ISM1: variants seen among roughly 807,000 people sequenced by gnomAD.
ISM1 encodes isthmin-1.
In ISM1, 25 loss-of-function variants were observed where a neutral mutation model predicts 46.3. That is an observed-to-expected ratio of 0.54 (90% CI 0.39 to 0.75). ISM1 has a LOEUF of 0.75. Among genes scored for constraint, ISM1 ranks in the 30% least tolerant of loss-of-function variants. ISM1 has a pLI of 0.00. For synonymous variants in ISM1, 255 were observed against 256.7 expected (o/e 0.99, Z 0.06); for missense variants, 536 against 625.4 (o/e 0.86, Z 1.52).
intron 1 of ISM1, among the ~76,000 whole-genome samples, chr20:13,227,755 G>A (rs556832166): frequency 1.9e-4 from 29 of 151,640 alleles, no homozygotes; most frequent in Admixed American, 4.6e-4. Flanking sequence ...TGATCCTCTC[G>A]CCTCTGCCTC....
the ISM1 span, among the ~76,000 whole-genome samples, chr20:13,312,556 C>G: frequency 6.6e-6 from 1 of 152,210 alleles, no homozygotes; most frequent in African/African-American, 2.4e-5. Flanking sequence ...GGACAGGAGG[C>G]CTCAAACAAG....
the ISM1 span, among the ~76,000 whole-genome samples, chr20:13,326,379 T>C: frequency 6.6e-6 from 1 of 152,194 alleles, no homozygotes; most frequent in African/African-American, 2.4e-5. Flanking sequence ...ATATATTCGA[T>C]TTAAGTATAT....
At chr20:13,224,026 A>G (rs1303029206) in intron 1 of ISM1, among the ~76,000 whole-genome samples, 1 of 152,112 alleles carries the variant, frequency 6.6e-6, no homozygotes, top group African/African-American at 2.4e-5. Context: ...TGAATTCTCA[A>G]AAGGGGCTTT....
intron 1 of ISM1, among the ~76,000 whole-genome samples, chr20:13,232,858 T>C (rs1283966715): frequency 6.6e-6 from 1 of 152,204 alleles, no homozygotes; most frequent in Non-Finnish European, 1.5e-5. Flanking sequence ...TATGAAATAC[T>C]GAAAGAAGGA....
chr20:13,301,334 A>T (rs1473854904), downstream of ISM1, among the ~76,000 whole-genome samples: 1 of 152,084 alleles, frequency 6.6e-6, no homozygotes, highest in Non-Finnish European at 1.5e-5. Context: ...GATTACAGGC[A>T]TGTGCCACCA....
At chr20:13,224,562 TAATC>T (rs1485192410) in intron 1 of ISM1, among the ~76,000 whole-genome samples, 4 of 152,222 alleles carry the variant, frequency 2.6e-5, no homozygotes, top group Non-Finnish European at 5.9e-5. Context: ...ATCAGAAAAT[TAATC>T]AATCCATATA....
rs1010723923 is a variant in ISM1 at position 13,221,354 on chromosome 20, G to T, written c.-423G>T. ...GCGGCCACATCTGGGGCGCCCATGT[G>T]CGCTCGGGGGCTCGGCTGCGCCCGC... On this transcript the variant is annotated 5_prime_UTR_variant, in exon 1 of 6. Transcript: ENST00000262487. Among the ~76,000 whole-genome samples the T allele has an allele frequency of 6.8e-6, 1 of 147,802 alleles. No individual in the cohort carries two copies. The highest frequency in any genetic ancestry group is 1.5e-5 in the Non-Finnish European group (1 of 66,036).
intron 3 of ISM1, among the ~76,000 whole-genome samples, chr20:13,287,207 A>G (rs148355512): frequency 3.3e-5 from 5 of 152,354 alleles, no homozygotes; most frequent in Admixed American, 3.3e-4. Context: ...TCACAGTTCC[A>G]CATGGCTGGG....
At chr20:13,266,707 A>G (rs574572938) in intron 1 of ISM1, among the ~76,000 whole-genome samples, 2 of 152,246 alleles carry the variant, frequency 1.3e-5, no homozygotes, top group African/African-American at 4.8e-5. Context: ...AAGAATGGTC[A>G]TGATGCTTTC....
chr20:13,279,792 G>C lies in ISM1; in HGVS notation c.537G>C (p.Lys179Asn). The change falls in exon 3 of 6, where the codon AAG becomes AAC. Residue 179 changes from lysine (K) to asparagine (N), a missense_variant. Around this residue, in one of 2 missense-constraint regions of ISM1, gnomAD observed 367 missense variants for 376.1 expected, o/e 0.98. Coordinates refer to ENST00000262487, the MANE Select transcript of ISM1 (RefSeq NM_080826.2). ...CAAACAGCGGGGACCAGGACTACAA[G>C]TACGACAGTACCTCAGACGACAGCA... ...ARANSGDQDY[K>N]YDSTSDDSNF... 6.2e-7 allele frequency: 1 copy of C among 1,614,056 alleles called. No homozygotes were observed. Among genetic ancestry groups the C allele is most frequent in the Non-Finnish European group, 8.5e-7 (1 of 1,179,906 alleles).
At chr20:13,309,388 A>T in the ISM1 span, among the ~76,000 whole-genome samples, 1 of 152,182 alleles carries the variant, frequency 6.6e-6, no homozygotes, top group Non-Finnish European at 1.5e-5. Context: ...CATAATAAAA[A>T]CTCTCAATGA....
At chr20:13,320,934 C>T in the ISM1 span, among the ~76,000 whole-genome samples, 17,030 of 152,078 alleles carry the variant, frequency 0.11, 1,367 homozygotes, top group Non-Finnish European at 0.17. Context: ...CACAGTGGCT[C>T]ATACCTGTAA....
At chr20:13,301,443 C>G (rs896734091), downstream of ISM1, among the ~76,000 whole-genome samples, 3 of 152,152 alleles carry the variant, frequency 2.0e-5, no homozygotes, top group African/African-American at 7.2e-5. Context: ...CCTGCCTTGG[C>G]CTCCCAAAGC....
At chr20:13,307,725 A>G in the ISM1 span, among the ~76,000 whole-genome samples, 3 of 152,234 alleles carry the variant, frequency 2.0e-5, no homozygotes, top group Admixed American at 6.5e-5. Context: ...TTTGCTCAAT[A>G]TTGGATTGTG....
chr20:13,221,814 GGCT>G lies in ISM1; in HGVS notation c.48_50del (p.Leu17del), dbSNP rs1347870307. On this transcript the variant is annotated inframe_deletion, in exon 1 of 6. Coordinates refer to ENST00000262487, the MANE Select transcript of ISM1 (RefSeq NM_080826.2). ...GCGGCCGAGCTGCTGCTGCTGCTGG[GGCT>G]GCTGCTGCTCACGCTGCACATCACC... 3.4e-6 allele frequency: 5 copies of G among 1,458,098 alleles called. No individual in the cohort carries two copies. The highest frequency in any genetic ancestry group is 4.5e-6 in the Non-Finnish European group (5 of 1,110,684). The allele number at this position is 1,458,098 out of a possible 1,614,324, so 90.3% of individuals were successfully genotyped here. A position where few individuals can be genotyped will look rare whatever the true frequency, so the allele number is the denominator to read the frequency against.
intron 5 of ISM1, among the ~76,000 whole-genome samples, chr20:13,296,091 C>T (rs73263051): frequency 0.045 from 6,820 of 152,274 alleles, 489 homozygotes; most frequent in African/African-American, 0.15. Flanking sequence ...CCACATTCCA[C>T]CACAGTTGGC....
Position 13,221,859 on chromosome 20 carries a change from G to A in ISM1, c.83G>A (p.Gly28Glu). 7.0e-7 allele frequency: 1 copy of A among 1,433,102 alleles called. No homozygotes were observed. The highest frequency in any genetic ancestry group is 9.1e-7 in the Non-Finnish European group (1 of 1,098,252). The allele number at this position is 1,433,102 out of a possible 1,614,324, so 88.8% of individuals were successfully genotyped here. Residue 28 changes from glycine to glutamate, a missense_variant, in exon 1 of 6, where the codon GGA becomes GAA. Gly to Glu is a moderately conservative substitution (Grantham distance 98). Around this residue, in one of 2 missense-constraint regions of ISM1, gnomAD observed 367 missense variants for 376.1 expected, o/e 0.98. Coordinates refer to ENST00000262487, the MANE Select transcript of ISM1 (RefSeq NM_080826.2). ...CACATCACCGTGCTGCGCGGCTCGGGAGCCGCCGACGGGCCCGACGCGGCC... is the reference window on the plus strand; with the variant it reads ...CACATCACCGTGCTGCGCGGCTCGGAAGCCGCCGACGGGCCCGACGCGGCC... ...TLHITVLRGS[G>E]AADGPDAAAG...
intron 3 of ISM1, among the ~76,000 whole-genome samples, chr20:13,281,720 G>C (rs1401307047): frequency 6.6e-6 from 1 of 152,200 alleles, no homozygotes; most frequent in Admixed American, 6.5e-5. Flanking sequence ...ATAGGAATGG[G>C]AGGAAAAGAT....
chr20:13,262,790 G>T (rs1040894885), intron 1 of ISM1, among the ~76,000 whole-genome samples: 1 of 152,120 alleles, frequency 6.6e-6, no homozygotes, highest in Non-Finnish European at 1.5e-5. Flanking sequence ...CACAGGGATG[G>T]GTGGCCCCTC....
Sources: allele counts gnomAD v4.1 joint callset (sites outside exome capture counted in the v4.1 genomes callset), GRCh38; gene constraint gnomAD v4.1.1; regional missense constraint gnomAD v4.1.1; transcripts MANE v1.5; gene names NCBI Gene and HGNC (gene_info 2026-07-23, HGNC 2026-07-21).